Variants in ZBTB7C observed in about 807,000 individuals in gnomAD.
The protein encoded by ZBTB7C is zinc finger and BTB domain-containing protein 7C.
ZBTB7C carries 8 observed loss-of-function variants against 25.7 expected under a neutral mutation model. The observed-to-expected ratio is 0.31, with a 90% confidence interval of 0.18 to 0.56. The LOEUF is 0.56. Ranked by LOEUF, ZBTB7C falls within the 20% of genes least tolerant of loss-of-function variation. The pLI, the probability that ZBTB7C is intolerant of heterozygous loss-of-function variation, is 0.91. For synonymous variants in ZBTB7C, 394 were observed against 369.0 expected (o/e 1.07, Z -0.78); for missense variants, 824 against 855.2 (o/e 0.96, Z 0.46).
chr18:48,074,014 C>CTTTT (rs575904548), intron 3 of ZBTB7C, among the ~76,000 whole-genome samples: 1 of 138,646 alleles, frequency 7.2e-6, no homozygotes, highest in Non-Finnish European at 1.6e-5. Flanking sequence ...AGAAAAATTT[C>CTTTT]TTTTTTTTTT....
At chr18:48,320,945 G>T (rs2046077042) in intron 2 of ZBTB7C, among the ~76,000 whole-genome samples, 1 of 152,256 alleles carries the variant, frequency 6.6e-6, no homozygotes, top group South Asian at 2.1e-4. Flanking sequence ...CCAACCAGGG[G>T]TCCTGTTGTG....
At chr18:48,350,873 C>A (rs1316439705) in intron 1 of ZBTB7C, among the ~76,000 whole-genome samples, 1 of 152,230 alleles carries the variant, frequency 6.6e-6, no homozygotes, top group East Asian at 1.9e-4. Context: ...CATCCTTGTT[C>A]TCTTTAATGG....
chr18:48,074,014 C>CTT (rs575904548), intron 3 of ZBTB7C, among the ~76,000 whole-genome samples: 18 of 138,648 alleles, frequency 1.3e-4, no homozygotes, highest in Admixed American at 2.2e-4. Context: ...AGAAAAATTT[C>CTT]TTTTTTTTTT....
At chr18:48,214,092 G>T (rs1479925394) in intron 2 of ZBTB7C, among the ~76,000 whole-genome samples, 3 of 152,180 alleles carry the variant, frequency 2.0e-5, no homozygotes, top group African/African-American at 7.2e-5. Flanking sequence ...AAAGACTGGT[G>T]GCTGCTTTTT....
intron 1 of ZBTB7C, among the ~76,000 whole-genome samples, chr18:48,396,202 AT>A (rs1246408163): frequency 6.6e-6 from 1 of 152,236 alleles, no homozygotes; most frequent in Non-Finnish European, 1.5e-5. Context: ...GGCAAGGACA[AT>A]AACTAGGATG....
At chr18:48,086,442 G>C (rs1188705279) in intron 3 of ZBTB7C, among the ~76,000 whole-genome samples, 1 of 152,146 alleles carries the variant, frequency 6.6e-6, no homozygotes, top group Non-Finnish European at 1.5e-5. Flanking sequence ...CTGTAAAGCG[G>C]CACCCCATGT....
chr18:48,183,533 A>G (rs897804361), intron 3 of ZBTB7C, among the ~76,000 whole-genome samples: 2 of 152,234 alleles, frequency 1.3e-5, no homozygotes, highest in Non-Finnish European at 2.9e-5. Context: ...CTATTTTAAT[A>G]CCTATACTCC....
chr18:48,190,700 G>T (rs760116377), intron 2 of ZBTB7C, among the ~76,000 whole-genome samples: 4 of 152,210 alleles, frequency 2.6e-5, no homozygotes, highest in Non-Finnish European at 4.4e-5. Context: ...GGGCTTCAGT[G>T]CATGGGAGGC....
chr18:48,397,839 G>T (rs1233090854), intron 1 of ZBTB7C, among the ~76,000 whole-genome samples: 2 of 152,034 alleles, frequency 1.3e-5, no homozygotes, highest in African/African-American at 4.8e-5. Flanking sequence ...CCACGTCTTG[G>T]GCTTCTCCTG....
chr18:48,398,584 C>A (rs2048083073), intron 1 of ZBTB7C, among the ~76,000 whole-genome samples: 1 of 152,136 alleles, frequency 6.6e-6, no homozygotes, highest in Non-Finnish European at 1.5e-5. Flanking sequence ...CAAGGCTATG[C>A]CCGATGCTGC....
intron 1 of ZBTB7C, among the ~76,000 whole-genome samples, chr18:48,370,566 G>T (rs1488469743): frequency 6.6e-6 from 1 of 152,114 alleles, no homozygotes; most frequent in Non-Finnish European, 1.5e-5. Context: ...GCCATTGGGG[G>T]AAACTGGGTT....
rs1307685551 is a variant in ZBTB7C at position 48,087,196 on chromosome 18, G to T, written c.-16-46073C>A. ...CACTGTGCTCCTGGGCCTGGAGAAG[G>T]CAATGAGAGCATCCAAAAGCAAGGA... is the stretch of plus-strand genomic sequence containing the variant. On this transcript the variant is annotated intron_variant, in intron 3 of 4. Coordinates refer to ENST00000590800, the MANE Select transcript of ZBTB7C (RefSeq NM_001318841.2). Among the ~76,000 whole-genome samples, 46 of 152,198 alleles carry T rather than the reference G, an allele frequency of 3.0e-4. 1 individual carries two copies.
rs1250875043 is a variant in ZBTB7C at position 48,028,902 on chromosome 18, G to T, written c.*358C>A. On this transcript the variant is annotated 3_prime_UTR_variant, in exon 5 of 5. Coordinates refer to ENST00000590800, the MANE Select transcript of ZBTB7C (RefSeq NM_001318841.2). ...CCCCTACCTCCTCCTGCTGTGGCTG[G>T]CTGGGCACCAGGCCAACCACCCCCT... 7.5e-6 allele frequency: 2 copies of T among 265,280 alleles called. No individual in the cohort carries two copies. Among genetic ancestry groups the T allele is most frequent in the African/African-American group, 4.6e-5 (2 of 43,520 alleles). 16.4% of individuals were successfully genotyped at this position (265,280 alleles called of 1,614,324 possible).
At chr18:48,226,070 G>A (rs1210561740) in intron 2 of ZBTB7C, among the ~76,000 whole-genome samples, 1 of 152,130 alleles carries the variant, frequency 6.6e-6, no homozygotes, top group Non-Finnish European at 1.5e-5. Flanking sequence ...GGATGGGAGA[G>A]ACATGAAAAA....
intron 2 of ZBTB7C, among the ~76,000 whole-genome samples, chr18:48,281,129 C>T (rs193082612): frequency 6.6e-6 from 1 of 152,244 alleles, no homozygotes; most frequent in East Asian, 1.9e-4. Context: ...GCTGGGATTA[C>T]AGGCGTGAGC....
intron 3 of ZBTB7C, among the ~76,000 whole-genome samples, chr18:48,094,597 A>G (rs1250088985): frequency 6.6e-6 from 1 of 152,222 alleles, no homozygotes. Context: ...AGTAGTTTAA[A>G]AAAAATTCTG....
In ZBTB7C at chr18:48,351,137, T is replaced by G. The variant is rs377729622; in HGVS notation, c.-303-12739A>C. 2.9e-4 allele frequency among the ~76,000 whole-genome samples: 44 copies of G among 152,184 alleles called. No individual in the cohort carries two copies. In the South Asian group the frequency reaches 8.5e-3, roughly 29 times the overall value. ...ATGGCCCTTCACAGAGCTGAACTAA[T>G]GTACACACACACTCCCCACCCCAAG... On this transcript the variant is annotated intron_variant, in intron 1 of 4. Coordinates refer to ENST00000590800, the MANE Select transcript of ZBTB7C (RefSeq NM_001318841.2).
intron 1 of ZBTB7C, chr18:48,346,567 T>C: frequency 6.6e-6 from 1 of 152,418 alleles, no homozygotes; most frequent in Non-Finnish European, 1.5e-5. Context: ...CTTTGCCATC[T>C]GTGTCTGTGT....
intron 3 of ZBTB7C, among the ~76,000 whole-genome samples, chr18:48,071,772 T>C (rs2037551088): frequency 6.6e-6 from 1 of 152,226 alleles, no homozygotes. Context: ...GGAAACCAAA[T>C]GTGATATATA....
Sources: allele counts gnomAD v4.1 joint callset (sites outside exome capture counted in the v4.1 genomes callset), GRCh38; gene constraint gnomAD v4.1.1; transcripts MANE v1.5; gene names NCBI Gene and HGNC (gene_info 2026-07-23, HGNC 2026-07-21).